CSMD1: variants seen among roughly 807,000 people sequenced by gnomAD.
CSMD1 encodes the protein CUB and sushi domain-containing protein 1.
In CSMD1, 213 loss-of-function variants were observed where a neutral mutation model predicts 417.5. The ratio of observed to expected loss-of-function variants is 0.51; its 90% CI spans 0.46 to 0.57. The LOEUF is 0.57. CSMD1 is among the 20% of genes least tolerant of loss of function. The pLI is 0.00. For synonymous variants in CSMD1, 2,862 were observed against 1,736.8 expected (o/e 1.65, Z -16.11); for missense variants, 6,923 against 4,529.7 (o/e 1.53, Z -15.17).
chr8:4,670,208 T>G (rs1346001935), intron 1 of CSMD1, among the ~76,000 whole-genome samples: 1 of 152,254 alleles, frequency 6.6e-6, no homozygotes, highest in Non-Finnish European at 1.5e-5. Flanking sequence ...ATTTCTGCTA[T>G]GCCTTCTCTC....
At position 4,175,586 on chromosome 8, in the gene CSMD1, G is replaced by A. The variant is rs186513041; in HGVS notation, c.416-143487C>T. 8.0e-4 allele frequency among the ~76,000 whole-genome samples: 122 copies of A among 152,198 alleles called. 1 individual carries two copies. Among genetic ancestry groups the A allele is most frequent in the African/African-American group, 2.7e-3 (114 of 41,492 alleles). ...AGATTTTTTGAAAGGTATATTAGGA[G>A]AGTAAATATACAATGATCACGCAAT... On this transcript the variant is annotated intron_variant, in intron 3 of 69. Coordinates refer to ENST00000635120, the MANE Select transcript of CSMD1 (RefSeq NM_033225.6).
At chr8:3,207,693 C>G (rs1319554543) in intron 30 of CSMD1, among the ~76,000 whole-genome samples, 2 of 152,088 alleles carry the variant, frequency 1.3e-5, no homozygotes, top group African/African-American at 2.4e-5. Context: ...CAAAGGAAAA[C>G]AGCTCAGACA....
intron 52 of CSMD1, among the ~76,000 whole-genome samples, chr8:3,017,406 C>T (rs1459495716): frequency 6.6e-6 from 1 of 152,170 alleles, no homozygotes; most frequent in South Asian, 2.1e-4. Flanking sequence ...TCATCGTCTA[C>T]TGAAAACTGT....
chr8:4,042,842 A>AAAAAAAAAAAAAG (rs1797962026), intron 3 of CSMD1, among the ~76,000 whole-genome samples: 1 of 125,976 alleles, frequency 7.9e-6, no homozygotes, highest in Admixed American at 8.2e-5. Flanking sequence ...AAAAAAAAAA[A>AAAAAAAAAAAAAG]GCAGGCTGGG....
At chr8:3,315,677 G>C (rs77542882) in intron 23 of CSMD1, among the ~76,000 whole-genome samples, 3,866 of 150,604 alleles carry the variant, frequency 0.026, 110 homozygotes, top group East Asian at 0.1. Context: ...ACAGGTTGTT[G>C]ACAATGTTTA....
At chr8:4,818,532 T>C (rs1237253102) in intron 1 of CSMD1, among the ~76,000 whole-genome samples, 1 of 152,208 alleles carries the variant, frequency 6.6e-6, no homozygotes, top group Non-Finnish European at 1.5e-5. Flanking sequence ...AATAATATTA[T>C]ATAGGCATGA....
chr8:4,832,444 C>T (rs865811175), intron 1 of CSMD1, among the ~76,000 whole-genome samples: 26 of 152,210 alleles, frequency 1.7e-4, no homozygotes, highest in African/African-American at 6.3e-4. Flanking sequence ...AGAAGAGGCG[C>T]TGTGGCCAGG....
At chr8:4,474,512 T>C (rs1017739870) in intron 2 of CSMD1, among the ~76,000 whole-genome samples, 4 of 152,196 alleles carry the variant, frequency 2.6e-5, no homozygotes, top group African/African-American at 7.2e-5. Context: ...AGAGAGCAGA[T>C]TAGTACAAAC....
At chr8:3,792,671 G>C (rs756043415) in intron 5 of CSMD1, among the ~76,000 whole-genome samples, 1 of 152,114 alleles carries the variant, frequency 6.6e-6, no homozygotes, top group Non-Finnish European at 1.5e-5. Flanking sequence ...ACAAAACAGA[G>C]ACCGCAATCA....
chr8:4,743,735 C>G (rs777271579), intron 1 of CSMD1, among the ~76,000 whole-genome samples: 3 of 152,212 alleles, frequency 2.0e-5, no homozygotes. Context: ...TTTCTCTGAA[C>G]TATAAATTTT....
At chr8:3,029,218 T>A in intron 51 of CSMD1, 101 bp downstream of exon 51, 1 of 865,384 alleles carries the variant, frequency 1.2e-6, no homozygotes, top group Non-Finnish European at 1.7e-6. Context: ...TATAGGACTA[T>A]GGTAGATGAT....
At chr8:3,376,525 C>T (rs1459029116) in intron 18 of CSMD1, among the ~76,000 whole-genome samples, 3 of 151,942 alleles carry the variant, frequency 2.0e-5, no homozygotes, top group South Asian at 4.2e-4. Flanking sequence ...TCCCATTCTC[C>T]GTGAAAAATG....
At chr8:3,447,101 AT>A (rs2117086051) in intron 12 of CSMD1, among the ~76,000 whole-genome samples, 1 of 152,354 alleles carries the variant, frequency 6.6e-6, no homozygotes, top group South Asian at 2.1e-4. Context: ...TACCTCATTA[AT>A]AAAAGGATTA....
At chr8:3,338,205 C>A (rs1196321343) in intron 23 of CSMD1, among the ~76,000 whole-genome samples, 2 of 152,132 alleles carry the variant, frequency 1.3e-5, no homozygotes, top group Admixed American at 1.3e-4. Flanking sequence ...TTGAACCACA[C>A]GTGTATGCCT....
intron 52 of CSMD1, among the ~76,000 whole-genome samples, chr8:3,005,241 G>A (rs1236857701): frequency 6.6e-6 from 1 of 152,220 alleles, no homozygotes; most frequent in East Asian, 1.9e-4. Context: ...CCAGGAATTT[G>A]AACGTCTTTC....
chr8:4,534,044 G>C (rs903011156), intron 2 of CSMD1, among the ~76,000 whole-genome samples: 4 of 151,806 alleles, frequency 2.6e-5, no homozygotes, highest in African/African-American at 9.7e-5. Flanking sequence ...CCAATTTATA[G>C]ATATTGTAAT....
intron 3 of CSMD1, among the ~76,000 whole-genome samples, chr8:4,414,285 G>A (rs1326245229): frequency 2.0e-5 from 3 of 152,144 alleles, no homozygotes; most frequent in Non-Finnish European, 4.4e-5. Flanking sequence ...TGACACCCTG[G>A]TAAGAGGAAG....
At chr8:3,779,206 G>T (rs1276924030) in intron 5 of CSMD1, among the ~76,000 whole-genome samples, 3 of 151,770 alleles carry the variant, frequency 2.0e-5, no homozygotes, top group Non-Finnish European at 4.4e-5. Context: ...TTGAGAGGGT[G>T]AATAAGACAG....
chr8:3,876,545 C>A (rs898021155), intron 5 of CSMD1, among the ~76,000 whole-genome samples: 2 of 152,054 alleles, frequency 1.3e-5, no homozygotes, highest in Non-Finnish European at 2.9e-5. Flanking sequence ...CATATTTATT[C>A]CTAAAAAATT....
Sources: gnomAD v4.1 joint callset for allele counts (sites outside exome capture counted in the v4.1 genomes callset) on GRCh38, gnomAD v4.1.1 for gene constraint, MANE v1.5 for transcripts, NCBI Gene and HGNC (gene_info 2026-07-23, HGNC 2026-07-21) for gene names.